TMC1: variants seen among roughly 807,000 people sequenced by gnomAD.
TMC1 encodes the protein transmembrane channel-like protein 1.
Under a neutral mutation model 105.8 loss-of-function variants are expected in TMC1, and 84 were observed. The observed-to-expected ratio is 0.79, with a 90% CI of 0.67 to 0.95. The LOEUF is 0.95. Ranked by LOEUF, TMC1 falls within the 40% of genes least tolerant of loss-of-function variation. TMC1 has a pLI of 0.00. For synonymous variants in TMC1, 315 were observed against 311.5 expected (o/e 1.01, Z -0.12); for missense variants, 817 against 914.1 (o/e 0.89, Z 1.37).
rs2589615 is a variant in TMC1, at chr9:72,688,737, C to T, written c.45C>T (p.Asp15=). The T allele has an allele frequency of 0.44, 698,187 of 1,603,854 alleles. 156,972 individuals carry two copies. Among genetic ancestry groups the T allele is most frequent in the African/African-American group, 0.73 (54,603 of 74,730 alleles). Residue 15 remains aspartate, a synonymous_variant, in exon 6 of 24, where the codon GAC becomes GAT. Coordinates refer to ENST00000297784, the MANE Select transcript of TMC1 (RefSeq NM_138691.3). ...AAATCAAAGTGGAGGAAAAAGAAGACGAGACTGAGGAAAGCTCAAGTAAGT... is the reference window on the plus strand; with the variant it reads ...AAATCAAAGTGGAGGAAAAAGAAGATGAGACTGAGGAAAGCTCAAGTAAGT... The part of the protein sequence containing the change: ...KVQIKVEEKE[D]ETEESSSEEE...
At chr9:72,616,695 G>A (rs1484910407) in intron 3 of TMC1, among the ~76,000 whole-genome samples, 1 of 147,746 alleles carries the variant, frequency 6.8e-6, no homozygotes, top group Admixed American at 6.7e-5. Context: ...GAATGGGCTA[G>A]AATATTGCAG....
At position 72,792,030 on chromosome 9, in the gene TMC1, T is replaced by C. The variant is rs397517836; in HGVS notation, c.1369T>C (p.Phe457Leu). The change falls in exon 16 of 24, where the codon TTT (phenylalanine) becomes CTT (leucine). Residue 457 changes from phenylalanine to leucine, a missense_variant. Coordinates refer to ENST00000297784, the MANE Select transcript of TMC1 (RefSeq NM_138691.3). Reference sequence around the variant, plus strand: ...TCTTCTTTTAGGCAATTTATACGTATTTATTCTTGCATTAATGGATGAGAT... The same window carrying C: ...TCTTCTTTTAGGCAATTTATACGTACTTATTCTTGCATTAATGGATGAGAT... The part of the protein sequence containing the change: ...FALLLGNLYV[F>L]ILALMDEINN... 1 of 1,614,158 alleles carries C rather than the reference T, an allele frequency of 6.2e-7. No individual in the cohort carries two copies.
chr9:72,568,877 A>C (rs1824216518), intron 1 of TMC1, among the ~76,000 whole-genome samples: 1 of 152,200 alleles, frequency 6.6e-6, no homozygotes, highest in Non-Finnish European at 1.5e-5. Flanking sequence ...ACATTCCAAA[A>C]ATTTTTTAGA....
chr9:72,709,936 G>C (rs568264250), intron 8 of TMC1, among the ~76,000 whole-genome samples: 1 of 152,012 alleles, frequency 6.6e-6, no homozygotes, highest in Non-Finnish European at 1.5e-5. Context: ...GTTCCTTGAG[G>C]TGTTACCTTA....
At chr9:72,619,087 C>T (rs1825195000) in intron 3 of TMC1, among the ~76,000 whole-genome samples, 1 of 152,034 alleles carries the variant, frequency 6.6e-6, no homozygotes, top group African/African-American at 2.4e-5. Context: ...CAAAAAGTTC[C>T]TGGAACATTT....
At chr9:72,738,744 T>A (rs1012997852) in intron 8 of TMC1, among the ~76,000 whole-genome samples, 5 of 152,050 alleles carry the variant, frequency 3.3e-5, no homozygotes, top group African/African-American at 1.2e-4. Context: ...AAAGTTGACT[T>A]TATATGTTAA....
intron 1 of TMC1, among the ~76,000 whole-genome samples, chr9:72,532,151 G>A (rs1047107620): frequency 3.3e-5 from 5 of 151,880 alleles, no homozygotes; most frequent in African/African-American, 1.2e-4. Context: ...GGCTGATCTT[G>A]AACTCCTAAC....
chr9:72,545,358 G>A (rs140431020), intron 1 of TMC1, among the ~76,000 whole-genome samples: 1 of 151,248 alleles, frequency 6.6e-6, no homozygotes, highest in East Asian at 1.9e-4. Flanking sequence ...ATATATATTG[G>A]TCTGTCACAA....
chr9:72,585,386 G>A (rs1320645468), intron 2 of TMC1, among the ~76,000 whole-genome samples: 1 of 150,822 alleles, frequency 6.6e-6, no homozygotes, highest in Non-Finnish European at 1.5e-5. Flanking sequence ...TCCTGACCTC[G>A]TGATCTGCCC....
At chr9:72,820,543 A>G (rs1407603459) in intron 19 of TMC1, among the ~76,000 whole-genome samples, 1 of 152,198 alleles carries the variant, frequency 6.6e-6, no homozygotes, top group African/African-American at 2.4e-5. Flanking sequence ...AATTGTAAAT[A>G]TTGTTTACTC....
chr9:72,660,286 C>T (rs968524087), intron 5 of TMC1, among the ~76,000 whole-genome samples: 1 of 152,130 alleles, frequency 6.6e-6, no homozygotes, highest in Non-Finnish European at 1.5e-5. Context: ...AGGCTTCACA[C>T]ATGGTGAGTT....
At chr9:72,729,715 C>G (rs140739016) in intron 8 of TMC1, among the ~76,000 whole-genome samples, 49 of 152,228 alleles carry the variant, frequency 3.2e-4, no homozygotes, top group African/African-American at 1.1e-3. Context: ...GATACTTTGT[C>G]CCTATCATAA....
At chr9:72,597,488 T>C (rs984599505) in intron 2 of TMC1, among the ~76,000 whole-genome samples, 9 of 152,176 alleles carry the variant, frequency 5.9e-5, no homozygotes, top group Non-Finnish European at 1.2e-4. Context: ...CATTTGTAGG[T>C]ACTGGTATGA....
chr9:72,531,549 C>G (rs1823497684), intron 1 of TMC1, among the ~76,000 whole-genome samples: 1 of 152,202 alleles, frequency 6.6e-6, no homozygotes, highest in East Asian at 1.9e-4. Flanking sequence ...TTTCCTAAAG[C>G]AATATCAAGT....
Position 72,837,920 on chromosome 9 carries a change from C to T in TMC1, c.*1947C>T, listed in dbSNP as rs1157481029. ...CTCCCTTTTTAGGATTCCTTGGGCT[C>T]TTATGTCTGTAATTCAGAGTCTATT... On this transcript the variant is annotated 3_prime_UTR_variant, in exon 24 of 24. Transcript: ENST00000297784. The T allele has an allele frequency of 6.6e-6, 1 of 152,174 alleles. No homozygotes were observed. The highest frequency in any genetic ancestry group is 1.5e-5 in the Non-Finnish European group (1 of 68,028). 9.4% of individuals were successfully genotyped at this position (152,174 alleles called of 1,614,324 possible).
intron 8 of TMC1, among the ~76,000 whole-genome samples, chr9:72,712,447 C>T (rs1052179643): frequency 1.3e-5 from 2 of 152,086 alleles, no homozygotes; most frequent in African/African-American, 4.8e-5. Flanking sequence ...TTTCCTTGAG[C>T]AGTGGTTTGT....
intron 12 of TMC1, among the ~76,000 whole-genome samples, chr9:72,760,336 G>C (rs369845151): frequency 6.6e-6 from 1 of 152,046 alleles, no homozygotes; most frequent in East Asian, 1.9e-4. Flanking sequence ...ATACAACCCA[G>C]TATTCCATCT....
rs1828091294 is a variant in TMC1, at chr9:72,781,398, G to A, written c.885-6941G>A. Among the ~76,000 whole-genome samples the A allele has an allele frequency of 2.0e-5, 3 of 151,926 alleles. No homozygotes were observed. The South Asian group carries it at 6.2e-4, about 32-fold the overall frequency. On this transcript the variant is annotated intron_variant, in intron 13 of 23. Coordinates refer to ENST00000297784, the MANE Select transcript of TMC1 (RefSeq NM_138691.3). ...TCAAATTAACAACTTAACATCACAT[G>A]TAGAGAAACCAGAGAAACAAGAGCA...
intron 5 of TMC1, among the ~76,000 whole-genome samples, chr9:72,682,861 C>T (rs1264831552): frequency 6.6e-6 from 1 of 152,178 alleles, no homozygotes; most frequent in African/African-American, 2.4e-5. Context: ...TTCTGCTCTC[C>T]AGCCTCCTCA....
Sources: allele counts gnomAD v4.1 joint callset (sites outside exome capture counted in the v4.1 genomes callset), GRCh38; gene constraint gnomAD v4.1.1; transcripts MANE v1.5; gene names NCBI Gene and HGNC (gene_info 2026-07-23, HGNC 2026-07-21).